Variants in ZNF37A observed in about 807,000 individuals in gnomAD.
ZNF37A encodes zinc finger protein 37a (KOX 21).
ZNF37A carries 10 observed loss-of-function variants against 12.3 expected under a neutral mutation model. That is an observed-to-expected ratio of 0.82 (90% CI 0.50 to 1.38). The LOEUF (loss-of-function observed/expected upper bound fraction) is 1.38, where lower values mean the gene tolerates loss of function less well. Ranked by LOEUF, ZNF37A falls within the 40% of genes most tolerant of loss-of-function variation. ZNF37A has a pLI of 0.00. For missense variants in ZNF37A, 580 were observed against 651.2 expected (o/e 0.89, Z 1.19); for synonymous variants, 207 against 223.0 (o/e 0.93, Z 0.64).
downstream of ZNF37A, among the ~76,000 whole-genome samples, chr10:38,129,960 A>T (rs1457161417): frequency 6.6e-6 from 1 of 152,222 alleles, no homozygotes; most frequent in Non-Finnish European, 1.5e-5. Flanking sequence ...AATGTTATAT[A>T]ACCATCAATA....
At chr10:38,115,116 T>TGTG in intron 6 of ZNF37A, 79 bp from the exon 7 acceptor site, 1 of 1,164,132 alleles carries the variant, frequency 8.6e-7, no homozygotes, top group Non-Finnish European at 1.2e-6. Flanking sequence ...TGTGTGTGTG[T>TGTG]ACTGTTTGGG....
rs150470434 is a variant in ZNF37A at position 38,117,431 on chromosome 10, A to C, written c.280A>C (p.Asn94His). 1.7e-3 allele frequency: 2,770 copies of C among 1,592,706 alleles called. 6 individuals are homozygous for C. The highest frequency in any genetic ancestry group is 2.2e-3 in the Non-Finnish European group (2,605 of 1,173,898). ...TAGAAACTATTCAATAATGAAGTTC[A>C]ATGAGTTTAACAAAGGTGGAAAATG... ...TSRNYSIMKF[N>H]EFNKGGKCFC... Residue 94 changes from asparagine (N) to histidine (H), a missense_variant, in exon 8 of 8, where the codon AAT becomes CAT. Asn to His is a moderately conservative substitution (Grantham distance 68). Transcript: ENST00000685332.
exon 8 of ZNF37A, chr10:38,147,936 G>T (rs1040579013): frequency 6.6e-6 from 1 of 152,182 alleles, no homozygotes; most frequent in African/African-American, 2.4e-5. Flanking sequence ...GTGGAAAATT[G>T]ATTTCGATGA....
rs1347639051 is a variant in ZNF37A at position 38,118,234 on chromosome 10, GA to G, written c.1087del (p.Thr363ProfsTer68). ...EKPYECHECG[K>X]TFSFKSVLTV... Reference sequence around the variant, plus strand: ...AACCATATGAATGTCATGAATGTGGGAAAACCTTCTCATTTAAGTCAGTCCT... The same window carrying G: ...AACCATATGAATGTCATGAATGTGGGAAACCTTCTCATTTAAGTCAGTCCT... On this transcript the variant is annotated frameshift_variant, in exon 8 of 8. Transcript: ENST00000685332. LOFTEE classifies it low-confidence loss of function (END_TRUNC). 2 of 1,612,142 alleles carry G rather than the reference GA, an allele frequency of 1.2e-6. No homozygotes were observed. The highest frequency in any genetic ancestry group is 1.7e-5 in the Admixed American group (1 of 59,824).
chr10:38,146,402 A>G (rs989391724), intron 7 of ZNF37A, among the ~76,000 whole-genome samples: 1 of 152,188 alleles, frequency 6.6e-6, no homozygotes, highest in Non-Finnish European at 1.5e-5. Flanking sequence ...CACCATGCCC[A>G]ACCCACAACA....
At chr10:38,134,899 T>C (rs2070086901) in intron 7 of ZNF37A, among the ~76,000 whole-genome samples, 1 of 152,256 alleles carries the variant, frequency 6.6e-6, no homozygotes, top group African/African-American at 2.4e-5. Flanking sequence ...ATATGCGTTA[T>C]AAGTTTTTGT....
chr10:38,118,727 A>G lies in ZNF37A; in HGVS notation c.1576A>G (p.Asn526Asp), dbSNP rs368204926. 27 of 1,613,772 alleles carry G rather than the reference A, an allele frequency of 1.7e-5. No homozygotes were observed. The highest frequency in any genetic ancestry group is 1.6e-4 in the Middle Eastern group (1 of 6,080). The change falls in exon 8 of 8, where the codon AAT becomes GAT. Residue 526 changes from asparagine to aspartate, a missense_variant. Coordinates refer to ENST00000685332, the MANE Select transcript of ZNF37A (RefSeq NM_001324250.3). The stretch of plus-strand genomic sequence containing the variant: ...CACAGGGGAGAAACCCTATGAATGT[A>G]ATGTTTGTGGAAAATCATTCTATGT... ...THTGEKPYECNVCGKSFYVKS... is the reference protein window; with the variant it reads ...THTGEKPYECDVCGKSFYVKS...
intron 7 of ZNF37A, chr10:38,140,762 C>T (rs1301727854): frequency 5.9e-5 from 9 of 152,168 alleles, no homozygotes; most frequent in Non-Finnish European, 1.2e-4. Flanking sequence ...GCAATGTTTG[C>T]TTCTAGGACT....
chr10:38,114,938 T>C (rs2069127715), intron 6 of ZNF37A, 57 bp downstream of exon 6: 17 of 1,541,960 alleles, frequency 1.1e-5, no homozygotes, highest in Non-Finnish European at 1.5e-5. Context: ...TTCTTATCAA[T>C]AGAAACTTGT....
At chr10:38,141,265 G>A (rs1022663112) in intron 7 of ZNF37A, 1 of 152,148 alleles carries the variant, frequency 6.6e-6, no homozygotes, top group Non-Finnish European at 1.5e-5. Flanking sequence ...ATAGAGGATG[G>A]AAGGGAAAAA....
chr10:38,117,791 A>G lies in ZNF37A; in HGVS notation c.640A>G (p.Ile214Val). The G allele has an allele frequency of 6.2e-7, 1 of 1,614,030 alleles. No individual in the cohort carries two copies. Among genetic ancestry groups the G allele is most frequent in the Non-Finnish European group, 8.5e-7 (1 of 1,179,990 alleles). The stretch of plus-strand genomic sequence containing the variant: ...TGGAGAAAATATCTTTGAGGAATCC[A>G]TTCTCCTTGAACATCAGAGTGTTTA... ...ECGENIFEES[I>V]LLEHQSVYPF... The change falls in exon 8 of 8, where the codon ATT becomes GTT. Residue 214 changes from isoleucine to valine, a missense_variant. Ile to Val is a conservative substitution (Grantham distance 29). Transcript: ENST00000685332.
At position 38,118,850 on chromosome 10, in the gene ZNF37A, G is replaced by A; in HGVS notation, c.*13G>A. The A allele has an allele frequency of 6.5e-7, 1 of 1,548,560 alleles. No individual in the cohort carries two copies. Among genetic ancestry groups the A allele is most frequent in the Non-Finnish European group, 8.7e-7 (1 of 1,152,752 alleles). The stretch of plus-strand genomic sequence containing the variant: ...TTACTCTGGGTGAAGTCAGAACTTT[G>A]TAGAACACAGAACATAAAGGGTGAG... On this transcript the variant is annotated 3_prime_UTR_variant, in exon 8 of 8. Transcript: ENST00000685332.
chr10:38,111,386 A>G (rs1180131320), intron 5 of ZNF37A, among the ~76,000 whole-genome samples: 1 of 151,914 alleles, frequency 6.6e-6, no homozygotes, highest in East Asian at 1.9e-4. Context: ...TATGTAGATG[A>G]TGGGTTGATG....
chr10:38,148,215 G>T (rs1321468808), exon 8 of ZNF37A: 4 of 152,218 alleles, frequency 2.6e-5, no homozygotes, highest in Non-Finnish European at 5.9e-5. Context: ...GCATACAGAT[G>T]AGCAAACTGA....
chr10:38,150,250 CTT>C (rs2070311214), exon 8 of ZNF37A: 1 of 152,198 alleles, frequency 6.6e-6, no homozygotes, highest in Non-Finnish European at 1.5e-5. Context: ...CAAACTCACT[CTT>C]GTGTCATCAT....
chr10:38,099,536 C>G (rs2067396748), intron 5 of ZNF37A, among the ~76,000 whole-genome samples: 1 of 152,162 alleles, frequency 6.6e-6, no homozygotes, highest in South Asian at 2.1e-4. Flanking sequence ...CATTTGGGTT[C>G]CTTCCTCCTT....
chr10:38,105,552 C>A (rs1471319011), intron 5 of ZNF37A, among the ~76,000 whole-genome samples: 1 of 152,122 alleles, frequency 6.6e-6, no homozygotes, highest in Non-Finnish European at 1.5e-5. Flanking sequence ...AGTATCTAAA[C>A]CTGTCTCTAT....
chr10:38,115,116 T>A, intron 6 of ZNF37A, 79 bp from the exon 7 acceptor site: 1 of 1,164,134 alleles, frequency 8.6e-7, no homozygotes, highest in Non-Finnish European at 1.2e-6. Context: ...TGTGTGTGTG[T>A]ACTGTTTGGG....
At position 38,112,773 on chromosome 10, in the gene ZNF37A, TTCTTTTCTTTTCTTTTCTTTTCTTG is replaced by T. The variant is rs1248606706; in HGVS notation, c.16-1977_16-1953del. Among the ~76,000 whole-genome samples the T allele has an allele frequency of 1.1e-4, 7 of 65,642 alleles. 3 individuals carry two copies. Among genetic ancestry groups the T allele is most frequent in the Non-Finnish European group, 1.7e-4 (5 of 29,858 alleles). 43.1% of individuals were successfully genotyped at this position (65,642 alleles called of 152,430 possible). ...TTCTTTTCTTTTCTTTTCTTTTCTTTTCTTTTCTTTTCTTTTCTTTTCTTGTCTTGTCTTGTCTTCTTTTCTTTTC... is the reference window on the plus strand; with the variant it reads ...TTCTTTTCTTTTCTTTTCTTTTCTTTTCTTGTCTTGTCTTCTTTTCTTTTC... On this transcript the variant is annotated intron_variant, in intron 5 of 7. Transcript: ENST00000685332.
Sources: gnomAD v4.1 joint callset for allele counts (sites outside exome capture counted in the v4.1 genomes callset) on GRCh38, gnomAD v4.1.1 for gene constraint, MANE v1.5 for transcripts, NCBI Gene and HGNC (gene_info 2026-07-23, HGNC 2026-07-21) for gene names.